The following PLEC variants were observed in gnomAD, a reference collection of about 807,000 sequenced individuals.
PLEC encodes hemidesmosomal protein 1.
PLEC carries 216 observed loss-of-function variants against 392.8 expected under a neutral mutation model. The ratio of observed to expected loss-of-function variants is 0.55; its 90% confidence interval spans 0.49 to 0.62. The LOEUF (loss-of-function observed/expected upper bound fraction) is 0.62. PLEC is among the 20% of genes least tolerant of loss of function. The pLI is 0.00. For synonymous variants in PLEC, 3,621 were observed against 2,980.6 expected (o/e 1.21, Z -7.00); for missense variants, 6,863 against 6,563.4 (o/e 1.05, Z -1.58).
chr8:143,922,280 G>C lies in PLEC; in HGVS notation c.7541C>G (p.Ala2514Gly), dbSNP rs1554689167. The change falls in exon 32 of 32, where the codon GCC becomes GGC. Residue 2514 changes from alanine (A) to glycine (G), a missense_variant. Ala to Gly is a moderately conservative substitution (Grantham distance 60, BLOSUM62 0). Coordinates refer to ENST00000345136, the MANE Select transcript of PLEC (RefSeq NM_201384.3). ...QRERFIEQEK[A>G]KLEQLFQDEV... ...GTCCTGGAAGAGCTGCTCCAGCTTG[G>C]CCTTCTCCTGCTCGATGAAGCGCTC... 1.2e-6 allele frequency: 2 copies of C among 1,605,622 alleles called. No individual in the cohort carries two copies.
In PLEC at chr8:143,926,529, G is replaced by A. The variant is rs782323082; in HGVS notation, c.4044+255C>T. ...ACAGGACGGCCGCTAGGCTGCAGGG[G>A]GGACGCTCACGAGGGAGGAGAGGCG... On this transcript the variant is annotated intron_variant, in intron 30 of 31. Coordinates refer to ENST00000345136, the MANE Select transcript of PLEC (RefSeq NM_201384.3). 8.7e-4 allele frequency among the ~76,000 whole-genome samples: 132 copies of A among 152,130 alleles called. 4 individuals are homozygous for A. The highest frequency in any genetic ancestry group is 4.6e-4 in the Non-Finnish European group (31 of 68,032).
upstream of PLEC, chr8:143,942,348 G>A: frequency 1.3e-6 from 2 of 1,595,404 alleles, no homozygotes; most frequent in Admixed American, 1.7e-5. Flanking sequence ...AGGTGAGAGC[G>A]ATGGTGGCCC....
At chr8:143,928,924 G>C (rs1224891142) in intron 25 of PLEC, among the ~76,000 whole-genome samples, 179 bp downstream of exon 25, 1 of 152,162 alleles carries the variant, frequency 6.6e-6, no homozygotes, top group Non-Finnish European at 1.5e-5. Flanking sequence ...AGCGTATCCA[G>C]CCCTGAACTC....
upstream of PLEC, chr8:143,973,618 C>T (rs1833550656): frequency 1.3e-6 from 1 of 774,354 alleles, no homozygotes; most frequent in Admixed American, 6.3e-5. This position sits in a 1 kb window ranked among gnomAD's most constrained non-coding sequence, Gnocchi z 5.6. Context: ...ACGGGCGGGG[C>T]GGGGCCGGGG....
At chr8:143,940,201 C>T (rs1248613960), upstream of PLEC, among the ~76,000 whole-genome samples, 3 of 152,230 alleles carry the variant, frequency 2.0e-5, no homozygotes, top group East Asian at 5.8e-4. Flanking sequence ...TGGCCCCTCC[C>T]AAGCTGCCCA....
intron 11 of PLEC, 80 bp downstream of exon 11, chr8:143,934,233 GGGGGC>G: frequency 1.3e-6 from 2 of 1,594,388 alleles, no homozygotes; most frequent in Admixed American, 1.7e-5. Flanking sequence ...TTCCCCCGCC[GGGGGC>G]GGGGCGGGGA....
upstream of PLEC, among the ~76,000 whole-genome samples, chr8:143,974,120 C>T (rs1478093431): frequency 6.6e-6 from 1 of 152,220 alleles, no homozygotes; most frequent in African/African-American, 2.4e-5. The surrounding 1 kb of genome is among the most constrained non-coding windows in gnomAD (Gnocchi z 5.9). Context: ...CGTGTTTTCT[C>T]CAAGCTTAAT....
chr8:143,921,483 G>A lies in PLEC; in HGVS notation c.8338C>T (p.Pro2780Ser), dbSNP rs782546260. 4.3e-6 allele frequency: 7 copies of A among 1,613,152 alleles called. No homozygotes were observed. Among genetic ancestry groups the A allele is most frequent in the Non-Finnish European group, 4.2e-6 (5 of 1,179,828 alleles). The change falls in exon 32 of 32, where the codon CCC becomes TCC. Residue 2780 changes from proline (P) to serine (S), a missense_variant. Physicochemically the swap from Pro to Ser is moderately conservative, Grantham distance 74 (BLOSUM62 -1). Transcript: ENST00000345136. ...AERAVTGYKDPYTGQQISLFQ... is the reference protein window; with the variant it reads ...AERAVTGYKDSYTGQQISLFQ... ...AGAGAGATCTGCTGGCCAGTGTAGG[G>A]GTCCTTGTAGCCAGTGACGGCGCGC...
At position 143,923,587 on chromosome 8, in the gene PLEC, G is replaced by A. The variant is rs781790377; in HGVS notation, c.6342C>T (p.Ala2114=). The change falls in exon 31 of 32, where the codon GCC becomes GCT. Residue 2114 remains alanine, a synonymous_variant. Coordinates refer to ENST00000345136, the MANE Select transcript of PLEC (RefSeq NM_201384.3). The part of the protein sequence containing the change: ...AAQSRRQVEE[A]ERLKQSAEEQ... ...CCTCTGCCGACTGCTTCAGCCGCTC[G>A]GCCTCTTCCACCTGCCGCCGGGACT... 27 of 1,594,880 alleles carry A rather than the reference G, an allele frequency of 1.7e-5. No individual in the cohort carries two copies. Among genetic ancestry groups the A allele is most frequent in the Admixed American group, 6.7e-5 (4 of 59,692 alleles).
In PLEC at chr8:143,924,575, G is replaced by A. The variant is rs1349782748; in HGVS notation, c.5354C>T (p.Ser1785Phe). Residue 1785 changes from serine to phenylalanine, a missense_variant, in exon 31 of 32, where the codon TCC becomes TTC. Coordinates refer to ENST00000345136, the MANE Select transcript of PLEC (RefSeq NM_201384.3). ...EEESRSTSEK[S>F]KQRLEAEAGR... ...GGCCTCGGCCTCCAGCCTCTGCTTG[G>A]ACTTCTCGCTGGTGGAGCGCGACTC... The A allele has an allele frequency of 6.4e-7, 1 of 1,551,914 alleles. No individual in the cohort carries two copies. The highest frequency in any genetic ancestry group is 8.6e-7 in the Non-Finnish European group (1 of 1,156,130).
At chr8:143,929,892 C>T (rs1187751726) in intron 22 of PLEC, 44 bp downstream of exon 22, 5 of 1,603,678 alleles carry the variant, frequency 3.1e-6, no homozygotes, top group Admixed American at 1.7e-5. Context: ...AACGCCTCTC[C>T]CCTCCTCCCA....
upstream of PLEC, among the ~76,000 whole-genome samples, chr8:143,941,382 A>T (rs539071089): frequency 3.2e-4 from 49 of 151,808 alleles, no homozygotes; most frequent in African/African-American, 1.1e-3. Context: ...TCTCCCTGCC[A>T]CTAACAGGCC....
At chr8:143,931,850 G>C in intron 18 of PLEC, 87 bp downstream of exon 18, 8 of 1,422,834 alleles carry the variant, frequency 5.6e-6, no homozygotes, top group Non-Finnish European at 7.8e-6. Context: ...CAGACAGGAG[G>C]GCTCCTGATT....
upstream of PLEC, chr8:143,944,007 C>G (rs1006848222): frequency 4.7e-5 from 70 of 1,493,556 alleles, no homozygotes; most frequent in Non-Finnish European, 5.4e-5. Flanking sequence ...GGACCGGAGC[C>G]TGCCCTGCCC....
upstream of PLEC, among the ~76,000 whole-genome samples, chr8:143,974,567 T>C (rs1467396092): frequency 6.6e-6 from 1 of 152,192 alleles, no homozygotes; most frequent in Non-Finnish European, 1.5e-5. The surrounding 1 kb of genome is among the most constrained non-coding windows in gnomAD (Gnocchi z 5.9). Context: ...TGCAGCCCTC[T>C]CCTGGCCTCC....
chr8:143,950,867 G>A (rs1349636855), exon 1 of PLEC: 7 of 1,408,044 alleles, frequency 5.0e-6, no homozygotes, highest in Non-Finnish European at 6.6e-6. Context: ...GAGCGTGAGG[G>A]CGCGGGCTCC....
At chr8:143,960,473 C>T (rs1379272302) in intron 1 of PLEC, among the ~76,000 whole-genome samples, 6 of 151,244 alleles carry the variant, frequency 4.0e-5, no homozygotes, top group East Asian at 2.0e-4. Flanking sequence ...AAAAATTAGC[C>T]GGGTGTGGTG....
intron 1 of PLEC, among the ~76,000 whole-genome samples, chr8:143,972,726 G>A (rs1339249512): frequency 6.6e-6 from 1 of 152,220 alleles, no homozygotes; most frequent in East Asian, 1.9e-4. Context: ...CAGGCAGCTG[G>A]GCTGCAAGAA....
In PLEC at chr8:143,932,945, G is replaced by A. The variant is rs1554718472; in HGVS notation, c.1585C>T (p.Leu529=). Reference sequence around the variant, plus strand: ...TGCTGGTTCTCCTCCACCCAGGCCAGCAGGTCCTGCAGGTAGCGCAGAGTG... The same window carrying A: ...TGCTGGTTCTCCTCCACCCAGGCCAACAGGTCCTGCAGGTAGCGCAGAGTG... The part of the protein sequence containing the change: ...DSTLRYLQDL[L]AWVEENQHRV... Residue 529 remains leucine, a synonymous_variant, in exon 14 of 32, where the codon CTG becomes TTG. Coordinates refer to ENST00000345136, the MANE Select transcript of PLEC (RefSeq NM_201384.3). The A allele has an allele frequency of 2.5e-6, 4 of 1,612,658 alleles. No homozygotes were observed. The highest frequency in any genetic ancestry group is 2.2e-5 in the East Asian group (1 of 44,870).
Sources: allele counts gnomAD v4.1 joint callset (sites outside exome capture counted in the v4.1 genomes callset), GRCh38; gene constraint gnomAD v4.1.1; non-coding constraint Gnocchi (gnomAD v3.1); transcripts MANE v1.5; gene names NCBI Gene and HGNC (gene_info 2026-07-23, HGNC 2026-07-21).